Variants in INTS3 observed in about 807,000 individuals in gnomAD.
INTS3 encodes SOSS complex subunit A.
Under a neutral mutation model 146.3 loss-of-function variants are expected in INTS3, and 34 were observed. That is an observed-to-expected ratio of 0.23 (90% CI 0.18 to 0.31). INTS3 has a LOEUF of 0.31. Among genes scored for constraint, INTS3 ranks in the 10% least tolerant of loss-of-function variants. INTS3 has a pLI of 1.00. For synonymous variants in INTS3, 475 were observed against 494.9 expected, an observed-to-expected ratio of 0.96 and a Z score of 0.53; for missense variants, 757 against 1,304.2, an observed-to-expected ratio of 0.58 and a Z score of 6.46.
chr1:153,772,247 C>T lies in INTS3; in HGVS notation c.2721-93C>T, dbSNP rs1035375473. The T allele has an allele frequency of 7.1e-7, 1 of 1,417,374 alleles. No homozygotes were observed. Among genetic ancestry groups the T allele is most frequent in the East Asian group, 2.3e-5 (1 of 43,628 alleles). 87.8% of individuals were successfully genotyped at this position (1,417,374 alleles called of 1,614,324 possible). On this transcript the variant is annotated intron_variant, in intron 26 of 29. Transcript: ENST00000318967. The surrounding 1 kb of genome is among the most constrained non-coding windows in gnomAD (Gnocchi z 4.6). ...CCTATCCTGTTCCCCATGTAGGCTG[C>T]CTCTGTCTTAAGGGGGCCCTGGCGG...
chr1:153,756,970 G>A (rs1483499376), intron 9 of INTS3, among the ~76,000 whole-genome samples: 1 of 152,114 alleles, frequency 6.6e-6, no homozygotes, highest in African/African-American at 2.4e-5. Flanking sequence ...CTTTATCTTG[G>A]TTGATTTCTT....
chr1:153,733,850 C>A (rs1200526573), intron 1 of INTS3, among the ~76,000 whole-genome samples: 1 of 150,858 alleles, frequency 6.6e-6, no homozygotes, highest in Admixed American at 6.6e-5. Flanking sequence ...TGATTCGCCC[C>A]CCTCAGCCTC....
rs1672937282 is a variant in INTS3 at position 153,772,518 on chromosome 1, A to G, written c.2821+78A>G. 1.2e-6 allele frequency: 2 copies of G among 1,612,880 alleles called. No individual in the cohort carries two copies. The highest frequency in any genetic ancestry group is 1.7e-6 in the Non-Finnish European group (2 of 1,179,380). ...CTATGCCTGGAGCCAGGCTGGGGGC[A>G]GGGGCAGGACACCCGGGGCCACAAC... On this transcript the variant is annotated intron_variant, in intron 27 of 29. Coordinates refer to ENST00000318967, the MANE Select transcript of INTS3 (RefSeq NM_023015.5). This position sits in a 1 kb window ranked among gnomAD's most constrained non-coding sequence, Gnocchi z 4.6.
chr1:153,768,358 A>T (rs1672680129), intron 21 of INTS3, among the ~76,000 whole-genome samples: 2 of 152,214 alleles, frequency 1.3e-5, no homozygotes, highest in African/African-American at 2.4e-5. Context: ...GACAGGAGGA[A>T]CTGTGATCTC....
At chr1:153,740,593 G>T in intron 1 of INTS3, 58 bp from the exon 2 acceptor site, 1 of 1,292,088 alleles carries the variant, frequency 7.7e-7, no homozygotes, top group Non-Finnish European at 1.1e-6. Flanking sequence ...TAGGGGCCCA[G>T]AAGTACTTCC....
chr1:153,767,911 C>A (rs750183702), intron 21 of INTS3, 84 bp downstream of exon 21: 2 of 1,372,966 alleles, frequency 1.5e-6, no homozygotes, highest in Non-Finnish European at 1.9e-6. Context: ...AACCCTGAAC[C>A]CTCTTTTGTT....
chr1:153,763,809 T>G, intron 16 of INTS3, 23 bp from the exon 17 acceptor site: 1 of 1,609,924 alleles, frequency 6.2e-7, no homozygotes, highest in Non-Finnish European at 8.5e-7. Context: ...TCCCTGGGAT[T>G]TCCTCTCATT....
intron 12 of INTS3, 125 bp downstream of exon 12, chr1:153,760,515 C>A (rs1193201127): frequency 5.3e-6 from 4 of 753,656 alleles, no homozygotes; most frequent in Admixed American, 2.5e-5. Flanking sequence ...GGTCATGGGT[C>A]CTATCCCCCA....
Position 153,762,834 on chromosome 1 carries a change from T to G in INTS3, c.1623T>G (p.Asp541Glu). ...CAGCCTTCAGTGACGATGAAGAGGA[T>G]CTCAACAGCAAAGGTGAGGCCATCA... The part of the protein sequence containing the change: ...AEAAFSDDEE[D>E]LNSKGKKREF... Residue 541 changes from aspartate to glutamate, a missense_variant, in exon 15 of 30, where the codon GAT becomes GAG. By Grantham distance (45) the Asp-to-Glu change is conservative (BLOSUM62 2). Coordinates refer to ENST00000318967, the MANE Select transcript of INTS3 (RefSeq NM_023015.5). The G allele has an allele frequency of 2.5e-6, 4 of 1,614,024 alleles. No homozygotes were observed. Among genetic ancestry groups the G allele is most frequent in the Non-Finnish European group, 3.4e-6 (4 of 1,180,002 alleles).
At position 153,751,158 on chromosome 1, in the gene INTS3, C is replaced by T. The variant is rs540710611; in HGVS notation, c.648C>T (p.Ile216=). The change falls in exon 7 of 30, where the codon ATC becomes ATT. Residue 216 remains isoleucine (I), a synonymous_variant. Transcript: ENST00000318967. ...AMAVYTYLRL[I]VDHHGTAQLQ... ...CTGTTTACACGTACCTCCGCCTCAT[C>T]GTGGACCACCATGGGACTGCCCAGC... is the stretch of plus-strand genomic sequence containing the variant. The T allele has an allele frequency of 3.5e-5, 56 of 1,614,088 alleles. 1 individual carries two copies. Among genetic ancestry groups the T allele is most frequent in the African/African-American group, 2.3e-4 (17 of 75,044 alleles).
At chr1:153,754,499 T>C in intron 8 of INTS3, 143 bp from the exon 9 acceptor site, 2 of 710,340 alleles carry the variant, frequency 2.8e-6, no homozygotes, top group Middle Eastern at 2.4e-4. Flanking sequence ...CCACCTGTGC[T>C]TGACCTCCCT....
In INTS3 at chr1:153,728,729, G is replaced by A. The variant is rs898841659; in HGVS notation, c.95G>A (p.Gly32Glu). 1.9e-6 allele frequency: 3 copies of A among 1,610,346 alleles called. No homozygotes were observed. Among genetic ancestry groups the A allele is most frequent in the Admixed American group, 3.3e-5 (2 of 59,800 alleles). Residue 32 changes from glycine (G) to glutamate (E), a missense_variant, in exon 1 of 30, where the codon GGA becomes GAA. Around this residue, in one of 8 missense-constraint regions of INTS3, gnomAD observed 160 missense variants for 193.7 expected, o/e 0.83. Transcript: ENST00000318967. ...GGAGGAGCGGGAGCAGGAGCCCCAG[G>A]AGGGGGGAGGCTGCTACTTTCAACC... ...GGGGAGAGAP[G>E]GGRLLLSTSL...
chr1:153,769,042 T>A, intron 22 of INTS3, 81 bp downstream of exon 22: 1 of 1,148,148 alleles, frequency 8.7e-7, no homozygotes, highest in Non-Finnish European at 1.3e-6. Flanking sequence ...CCTCCAGGCC[T>A]GCAGACAGGG....
Position 153,772,622 on chromosome 1 carries a change from C to T in INTS3, c.2822-17C>T, listed in dbSNP as rs754859198. The T allele has an allele frequency of 9.9e-6, 16 of 1,614,084 alleles. No individual in the cohort carries two copies. The highest frequency in any genetic ancestry group is 1.4e-5 in the Non-Finnish European group (16 of 1,180,052). On this transcript the variant is annotated splice_polypyrimidine_tract_variant and intron_variant, in intron 27 of 29. Coordinates refer to ENST00000318967, the MANE Select transcript of INTS3 (RefSeq NM_023015.5). This position sits in a 1 kb window ranked among gnomAD's most constrained non-coding sequence, Gnocchi z 4.6. Reference sequence around the variant, plus strand: ...CTGATTGTTTTTCCTTCCCTGCTCTCCCTTTTCTTCCTCTAGTTTTTAGCC... The same window carrying T: ...CTGATTGTTTTTCCTTCCCTGCTCTTCCTTTTCTTCCTCTAGTTTTTAGCC...
intron 7 of INTS3, 78 bp from the exon 8 acceptor site, chr1:153,752,201 C>T: frequency 7.1e-7 from 1 of 1,408,902 alleles, no homozygotes; most frequent in Non-Finnish European, 1.0e-6. Context: ...CATGTTGTTC[C>T]TTTGTCCTCC....
In INTS3 at chr1:153,740,748, T is replaced by A. The variant is rs1478603569; in HGVS notation, c.234+14T>A. 2 of 1,591,146 alleles carry A rather than the reference T, an allele frequency of 1.3e-6. No individual in the cohort carries two copies. The highest frequency in any genetic ancestry group is 3.3e-5 in the Admixed American group (2 of 59,986). On this transcript the variant is annotated intron_variant, in intron 2 of 29. Coordinates refer to ENST00000318967, the MANE Select transcript of INTS3 (RefSeq NM_023015.5). ...CTCAATGCGTATGTAAGTAGAATGC[T>A]GTCCCTGCAGCCACTGCTGCTGCTG...
At chr1:153,756,618 C>T (rs1672171598) in intron 9 of INTS3, among the ~76,000 whole-genome samples, 1 of 151,988 alleles carries the variant, frequency 6.6e-6, no homozygotes, top group African/African-American at 2.4e-5. Context: ...GAGTTCGAGA[C>T]CAGCCTGACC....
At chr1:153,746,829 T>G (rs1671764185) in intron 3 of INTS3, 128 bp from the exon 4 acceptor site, 1 of 624,680 alleles carries the variant, frequency 1.6e-6, no homozygotes, top group East Asian at 2.6e-5. Context: ...GAAAAGTATT[T>G]CATTGCTACT....
intron 1 of INTS3, among the ~76,000 whole-genome samples, chr1:153,739,412 G>A (rs965985151): frequency 4.1e-5 from 6 of 148,018 alleles, no homozygotes; most frequent in Non-Finnish European, 6.0e-5. Flanking sequence ...ATGCAATCTC[G>A]GCTCACCTCG....
Sources: allele counts gnomAD v4.1 joint callset (sites outside exome capture counted in the v4.1 genomes callset), GRCh38; gene constraint gnomAD v4.1.1; regional missense constraint gnomAD v4.1.1; non-coding constraint Gnocchi (gnomAD v3.1); transcripts MANE v1.5; gene names NCBI Gene and HGNC (gene_info 2026-07-23, HGNC 2026-07-21).